Variants in CDH18 observed in about 807,000 individuals in gnomAD.
CDH18 encodes cadherin-18.
In CDH18, 31 loss-of-function variants were observed where a neutral mutation model predicts 67.9. The observed-to-expected ratio is 0.46, with a 90% CI of 0.34 to 0.62. The LOEUF is 0.62. CDH18 is among the 20% of genes least tolerant of loss of function. CDH18 has a pLI of 0.01. For synonymous variants in CDH18, 362 were observed against 347.2 expected, an observed-to-expected ratio of 1.04 and a Z score of -0.48; for missense variants, 890 against 975.5, an observed-to-expected ratio of 0.91 and a Z score of 1.17.
At chr5:19,852,193 T>C (rs1487561169) in intron 2 of CDH18, among the ~76,000 whole-genome samples, 1 of 151,972 alleles carries the variant, frequency 6.6e-6, no homozygotes, top group Non-Finnish European at 1.5e-5. Context: ...CTGATTTCTG[T>C]TTCAGTTTTG....
chr5:19,572,826 C>T (rs931645528), intron 7 of CDH18, among the ~76,000 whole-genome samples: 2 of 152,104 alleles, frequency 1.3e-5, no homozygotes, highest in African/African-American at 2.4e-5. Flanking sequence ...TTCATAGCAA[C>T]CAAGCAAAAG....
In CDH18 at chr5:19,647,438, G is replaced by A. The variant is rs531030376; in HGVS notation, c.644-34837C>T. Among the ~76,000 whole-genome samples the A allele has an allele frequency of 8.4e-5, 12 of 142,212 alleles. No individual in the cohort carries two copies. In the East Asian group the frequency reaches 2.6e-3, roughly 31 times the overall value. 93.3% of individuals were successfully genotyped at this position (142,212 alleles called of 152,430 possible). The stretch of plus-strand genomic sequence containing the variant: ...CCAGCTACTCAGGAGGCTGAGGCAG[G>A]AGAATCACTTGAACCCGGGAGGTAG... On this transcript the variant is annotated intron_variant, in intron 5 of 12. Transcript: ENST00000382275.
Position 19,596,665 on chromosome 5 carries a change from C to T in CDH18, c.812-5421G>A, listed in dbSNP as rs1006138714. 2.6e-5 allele frequency among the ~76,000 whole-genome samples: 4 copies of T among 152,268 alleles called. No homozygotes were observed. The South Asian group carries it at 6.2e-4, about 24-fold the overall frequency. On this transcript the variant is annotated intron_variant, in intron 6 of 12. Coordinates refer to ENST00000382275, the MANE Select transcript of CDH18 (RefSeq NM_004934.5). ...GTTCAAATGGGTCACAAAAGACTCACGGCCCAGAAAACATTTAGGCTGGGT... is the reference window on the plus strand; with the variant it reads ...GTTCAAATGGGTCACAAAAGACTCATGGCCCAGAAAACATTTAGGCTGGGT...
chr5:20,351,193 C>T (rs12519325), intron 1 of CDH18, among the ~76,000 whole-genome samples: 3,265 of 72,936 alleles, frequency 0.045, 88 homozygotes, highest in East Asian at 0.3. Flanking sequence ...TGTGTGTGTG[C>T]GTGTGTGTTA....
chr5:20,375,599 G>T lies in CDH18; in HGVS notation c.-579-120094C>A, dbSNP rs957232073. 7.9e-5 allele frequency among the ~76,000 whole-genome samples: 12 copies of T among 152,166 alleles called. No homozygotes were observed. The South Asian group carries it at 2.5e-3, about 32-fold the overall frequency. On this transcript the variant is annotated intron_variant, in intron 1 of 14. Transcript: ENST00000507958. Reference sequence around the variant, plus strand: ...AAATAGAGTCACCTGGCCTCCATTAGAGACTGCGCCTTTGCATCAACTTCC... The same window carrying T: ...AAATAGAGTCACCTGGCCTCCATTATAGACTGCGCCTTTGCATCAACTTCC...
At chr5:19,975,604 T>C (rs1798425584) in intron 2 of CDH18, among the ~76,000 whole-genome samples, 1 of 152,220 alleles carries the variant, frequency 6.6e-6, no homozygotes. Context: ...ATCAAATTTT[T>C]ATAAATAATA....
intron 5 of CDH18, among the ~76,000 whole-genome samples, chr5:19,649,398 A>C (rs1755246957): frequency 6.6e-6 from 1 of 152,010 alleles, no homozygotes; most frequent in Admixed American, 6.6e-5. Flanking sequence ...AGATCTCAAT[A>C]TTTGGCTTCA....
intron 2 of CDH18, among the ~76,000 whole-genome samples, chr5:19,979,592 A>C (rs911111190): frequency 1.3e-5 from 2 of 152,138 alleles, no homozygotes; most frequent in African/African-American, 4.8e-5. Flanking sequence ...CAACATTTTA[A>C]AAGAATTAGT....
intron 2 of CDH18, among the ~76,000 whole-genome samples, chr5:20,183,241 T>G (rs1356303928): frequency 3.9e-5 from 6 of 152,108 alleles, no homozygotes. Context: ...AAATTTATTT[T>G]TAGAAATCAA....
chr5:19,964,597 GGGATTGTGCCACTGCACTCCA>G (rs1470026275), intron 2 of CDH18, among the ~76,000 whole-genome samples: 1 of 150,538 alleles, frequency 6.6e-6, no homozygotes, highest in East Asian at 2.0e-4. Context: ...AGCAGTGAGT[GGGATTGTGCCACTGCACTCCA>G]GCCTGGATGG....
intron 2 of CDH18, among the ~76,000 whole-genome samples, chr5:20,223,040 T>C (rs570876706): frequency 1.3e-5 from 2 of 152,140 alleles, no homozygotes; most frequent in Non-Finnish European, 2.9e-5. Flanking sequence ...TTGATGGTTA[T>C]TTAATCAAGG....
intron 5 of CDH18, among the ~76,000 whole-genome samples, chr5:19,664,534 C>A (rs187508015): frequency 6.6e-6 from 1 of 151,720 alleles, no homozygotes; most frequent in Admixed American, 6.6e-5. Flanking sequence ...TTGTGAAATA[C>A]CAAAACCTGG....
rs1780175467 is a variant in CDH18 at position 19,824,208 on chromosome 5, T to C, written c.228+14551A>G. ...TAGAAGATGGCAGATTAGAAGCTCA[T>C]GTGTGCTCCTCTCACAGAGGGGGAG... is the stretch of plus-strand genomic sequence containing the variant. On this transcript the variant is annotated intron_variant, in intron 3 of 12. Coordinates refer to ENST00000382275, the MANE Select transcript of CDH18 (RefSeq NM_004934.5). Among the ~76,000 whole-genome samples, 4 of 152,168 alleles carry C rather than the reference T, an allele frequency of 2.6e-5. 1 individual carries two copies. In the South Asian group the frequency reaches 8.3e-4, roughly 31 times the overall value.
Position 19,644,684 on chromosome 5 carries a change from A to C in CDH18, c.644-32083T>G, listed in dbSNP as rs1458446642. Among the ~76,000 whole-genome samples the C allele has an allele frequency of 2.6e-5, 4 of 152,148 alleles. No individual in the cohort carries two copies. In the East Asian group the frequency reaches 7.7e-4, roughly 29 times the overall value. On this transcript the variant is annotated intron_variant, in intron 5 of 12. Coordinates refer to ENST00000382275, the MANE Select transcript of CDH18 (RefSeq NM_004934.5). ...TATGGATCCTAAAAAAAAATTGAAC[A>C]GGATGTTTGTTTTCTGTGCTGGGGC...
In CDH18 at chr5:20,440,093, T is replaced by C. The variant is rs188744852; in HGVS notation, c.-580+135369A>G. On this transcript the variant is annotated intron_variant, in intron 1 of 14. Transcript: ENST00000507958. ...TATGAAAATGAGTAAATCATCCATA[T>C]GCAAGTTCTGGAATTCAAGTATTCA... Among the ~76,000 whole-genome samples, 129 of 151,946 alleles carry C rather than the reference T, an allele frequency of 8.5e-4. 2 individuals are homozygous for C. The highest frequency in any genetic ancestry group is 6.8e-3 in the Admixed American group (104 of 15,278).
chr5:20,360,036 A>C (rs1331236940), intron 1 of CDH18, among the ~76,000 whole-genome samples: 4 of 143,412 alleles, frequency 2.8e-5, no homozygotes, highest in African/African-American at 1.1e-4. Context: ...ACAAACTTGG[A>C]TTAGTGACAT....
chr5:20,301,776 CTCTT>C (rs1347907927), intron 1 of CDH18, among the ~76,000 whole-genome samples: 51 of 115,534 alleles, frequency 4.4e-4, no homozygotes, highest in African/African-American at 1.4e-3. Flanking sequence ...AGGTAGTTTG[CTCTT>C]TCTTTTTTCT....
chr5:20,031,378 G>A (rs116017338), intron 2 of CDH18, among the ~76,000 whole-genome samples: 5,340 of 152,156 alleles, frequency 0.035, 312 homozygotes, highest in African/African-American at 0.12. Flanking sequence ...ACAGAGTCCT[G>A]AGTATAATGT....
At chr5:20,501,479 A>G (rs1276420885) in intron 1 of CDH18, among the ~76,000 whole-genome samples, 5 of 67,496 alleles carry the variant, frequency 7.4e-5, no homozygotes, top group African/African-American at 2.6e-4. Context: ...TATTATATAC[A>G]TATTATATAT....
Sources: allele counts gnomAD v4.1 joint callset (sites outside exome capture counted in the v4.1 genomes callset), GRCh38; gene constraint gnomAD v4.1.1; transcripts MANE v1.5; gene names NCBI Gene and HGNC (gene_info 2026-07-23, HGNC 2026-07-21).